Variants in VARS1 observed in about 807,000 individuals in gnomAD.
VARS1 encodes the protein valine--tRNA ligase.
Under a neutral mutation model 161.0 loss-of-function variants are expected in VARS1, and 92 were observed. The observed-to-expected ratio is 0.57, with a 90% CI of 0.48 to 0.68. VARS1 has a LOEUF of 0.68. Among genes scored for constraint, VARS1 ranks in the 30% least tolerant of loss-of-function variants. The pLI is 0.00. For synonymous variants in VARS1, 595 were observed against 682.5 expected (o/e 0.87, Z 2.00); for missense variants, 1,338 against 1,695.9 (o/e 0.79, Z 3.71).
chr6:31,787,692 G>A (rs1813591110), intron 8 of VARS1, among the ~76,000 whole-genome samples: 1 of 150,710 alleles, frequency 6.6e-6, no homozygotes, highest in Non-Finnish European at 1.5e-5. Flanking sequence ...AAACAAACTT[G>A]GAGGCCAGGT....
chr6:31,784,288 C>T lies in VARS1; in HGVS notation c.1597G>A (p.Val533Met), dbSNP rs1340444945. 2 of 1,614,218 alleles carry T rather than the reference C, an allele frequency of 1.2e-6. No individual in the cohort carries two copies. The highest frequency in any genetic ancestry group is 1.7e-6 in the Non-Finnish European group (2 of 1,180,046). ...ATTGTCTCGATCCGAGTTGTTGCCA[C>T]CACCACCTCCTCGTCGCTATCTGGG... ...QGSDSDEEVVVATTRIETMLG... is the reference protein window; with the variant it reads ...QGSDSDEEVVMATTRIETMLG... The change falls in exon 13 of 30, where the codon GTG (valine) becomes ATG (methionine). Residue 533 changes from valine to methionine, a missense_variant. Transcript: ENST00000375663. This position sits in a 1 kb window ranked among gnomAD's most constrained non-coding sequence, Gnocchi z 6.1.
chr6:31,792,858 A>G lies in VARS1; in HGVS notation c.560T>C (p.Val187Ala). 3.1e-6 allele frequency: 5 copies of G among 1,614,200 alleles called. No homozygotes were observed. The highest frequency in any genetic ancestry group is 4.2e-6 in the Non-Finnish European group (5 of 1,180,030). ...GACACACGTGACAAACCAGCGAGTC[A>G]CATTATTCCAGATCCGGCGGGCAGG... ...DPPARRIWNN[V>A]TRWFVTCVRQ... The change falls in exon 4 of 30, where the codon GTG (valine) becomes GCG (alanine). Residue 187 changes from valine to alanine, a missense_variant. Transcript: ENST00000375663.
In VARS1 at chr6:31,784,694, T is replaced by C; in HGVS notation, c.1368A>G (p.Thr456=). ...CCTCGTGAAGCCGGACAAAGGCCTC[T>C]GTCACAGCTGCTGAGAGTTTCTGGG... is the stretch of plus-strand genomic sequence containing the variant. ...TMDPKLSAAV[T]EAFVRLHEEG... The change falls in exon 11 of 30, where the codon ACA becomes ACG. Residue 456 remains threonine, a synonymous_variant. Coordinates refer to ENST00000375663, the MANE Select transcript of VARS1 (RefSeq NM_006295.3). The surrounding 1 kb of genome is among the most constrained non-coding windows in gnomAD (Gnocchi z 6.1). 1 of 1,613,016 alleles carries C rather than the reference T, an allele frequency of 6.2e-7. No individual in the cohort carries two copies. The highest frequency in any genetic ancestry group is 8.5e-7 in the Non-Finnish European group (1 of 1,180,030).
In VARS1 at chr6:31,778,963, A is replaced by G. The variant is rs575062372; in HGVS notation, c.3726+4T>C. The G allele has an allele frequency of 1.2e-6, 2 of 1,613,066 alleles. No individual in the cohort carries two copies. The highest frequency in any genetic ancestry group is 1.3e-5 in the African/African-American group (1 of 75,072). On this transcript the variant is annotated splice_donor_region_variant and intron_variant, in intron 29 of 29. Coordinates refer to ENST00000375663, the MANE Select transcript of VARS1 (RefSeq NM_006295.3). The surrounding 1 kb of genome is among the most constrained non-coding windows in gnomAD (Gnocchi z 5.1). ...TGTGGGAAATGCCCACCCAGGCCAC[A>G]CACCTTGGCTTCATCTGCCTCCTGG...
rs781064928 is a variant in VARS1, at chr6:31,782,139, C to T, written c.2189G>A (p.Arg730His). The T allele has an allele frequency of 2.7e-5, 43 of 1,613,826 alleles. No homozygotes were observed. The highest frequency in any genetic ancestry group is 6.7e-5 in the Admixed American group (4 of 60,000). ...CISRQLWWGH[R>H]IPAYFVTVSD... The stretch of plus-strand genomic sequence containing the variant: ...GACAGTGACAAAGTAGGCTGGGATG[C>T]GATGGCCCCACCACAGCTGCCTGGA... Residue 730 changes from arginine to histidine, a missense_variant, in exon 18 of 30, where the codon CGC becomes CAC. Physicochemically the swap from Arg to His is conservative, Grantham distance 29. Transcript: ENST00000375663. The surrounding 1 kb of genome is among the most constrained non-coding windows in gnomAD (Gnocchi z 8.3).
In VARS1 at chr6:31,781,835, G is replaced by A. The variant is rs1388984189; in HGVS notation, c.2347+12C>T. ...CCACAACTCCCTCCAGACCCTCAAAGCCCCGCCTTGCCTTGCTGGAGACTG... is the reference window on the plus strand; with the variant it reads ...CCACAACTCCCTCCAGACCCTCAAAACCCCGCCTTGCCTTGCTGGAGACTG... On this transcript the variant is annotated intron_variant, in intron 19 of 29. Transcript: ENST00000375663. The surrounding 1 kb of genome is among the most constrained non-coding windows in gnomAD (Gnocchi z 6.8). 1 of 1,612,908 alleles carries A rather than the reference G, an allele frequency of 6.2e-7. No individual in the cohort carries two copies. Among genetic ancestry groups the A allele is most frequent in the Non-Finnish European group, 8.5e-7 (1 of 1,180,028 alleles).
At chr6:31,788,834 T>A (rs1813690534) in intron 8 of VARS1, among the ~76,000 whole-genome samples, 1 of 151,582 alleles carries the variant, frequency 6.6e-6, no homozygotes, top group African/African-American at 2.4e-5. Context: ...ATAATAAAAA[T>A]AAAAAAATAA....
chr6:31,795,147 T>G lies in VARS1; in HGVS notation c.71A>C (p.Tyr24Ser). The change falls in exon 2 of 30, where the codon TAT becomes TCT. Residue 24 changes from tyrosine (Y) to serine (S), a missense_variant. Transcript: ENST00000375663. The surrounding 1 kb of genome is among the most constrained non-coding windows in gnomAD (Gnocchi z 6.9). ...PSLRALIAAR[Y>S]GEAGEGPGWG... ...TCCGGGACCCTCCCCAGCCTCCCCA[T>G]AGCGAGCGGCTATGAGGGCTCGGAG... The G allele has an allele frequency of 1.3e-6, 2 of 1,485,108 alleles. No homozygotes were observed. The highest frequency in any genetic ancestry group is 1.8e-6 in the Non-Finnish European group (2 of 1,117,684). 92.0% of individuals were successfully genotyped at this position (1,485,108 alleles called of 1,614,324 possible). A position where few individuals can be genotyped will look rare whatever the true frequency, so the allele number is the denominator to read the frequency against.
rs1035499152 is a variant in VARS1 at position 31,791,099 on chromosome 6, C to T, written c.1100+511G>A. 2.6e-5 allele frequency among the ~76,000 whole-genome samples: 4 copies of T among 151,854 alleles called. No individual in the cohort carries two copies. The highest frequency in any genetic ancestry group is 1.5e-5 in the Non-Finnish European group (1 of 67,992). Reference sequence around the variant, plus strand: ...CCAGGAGGCAGCGGTTGCCATGAGCCGAGATGGCGTCACTGCACTCCGGCC... The same window carrying T: ...CCAGGAGGCAGCGGTTGCCATGAGCTGAGATGGCGTCACTGCACTCCGGCC... On this transcript the variant is annotated intron_variant, in intron 8 of 29. Coordinates refer to ENST00000375663, the MANE Select transcript of VARS1 (RefSeq NM_006295.3). This position sits in a 1 kb window ranked among gnomAD's most constrained non-coding sequence, Gnocchi z 5.0.
rs1195165392 is a variant in VARS1, at chr6:31,778,349, G to A, written c.3726+618C>T. The stretch of plus-strand genomic sequence containing the variant: ...CTAGGTCAGCCTCCGTCTCCCACCT[G>A]TTGTGTGACCCTGGGTTGTGCCCAG... On this transcript the variant is annotated intron_variant, in intron 29 of 29. Transcript: ENST00000375663. This position sits in a 1 kb window ranked among gnomAD's most constrained non-coding sequence, Gnocchi z 5.1. Among the ~76,000 whole-genome samples, 1 of 152,146 alleles carries A rather than the reference G, an allele frequency of 6.6e-6. No individual in the cohort carries two copies. The highest frequency in any genetic ancestry group is 1.5e-5 in the Non-Finnish European group (1 of 68,028).
chr6:31,787,921 A>G (rs1581651479), intron 8 of VARS1, among the ~76,000 whole-genome samples: 3 of 152,156 alleles, frequency 2.0e-5, no homozygotes, highest in Admixed American at 2.0e-4. Context: ...GATCGAGACC[A>G]TCTTGGCTAA....
chr6:31,779,473 C>T lies in VARS1; in HGVS notation c.3352G>A (p.Val1118Met), dbSNP rs543142503. 1.6e-5 allele frequency: 26 copies of T among 1,612,706 alleles called. No individual in the cohort carries two copies. Among genetic ancestry groups the T allele is most frequent in the Admixed American group, 3.3e-5 (2 of 60,008 alleles). ...LELALSITRA[V>M]RSLRADYNLT... Reference sequence around the variant, plus strand: ...TTGTAGTCGGCCCGCAGGGAGCGCACGGCTCGCGTGATGCTTAGCGCCAGC... The same window carrying T: ...TTGTAGTCGGCCCGCAGGGAGCGCATGGCTCGCGTGATGCTTAGCGCCAGC... The change falls in exon 28 of 30, where the codon GTG becomes ATG. Residue 1118 changes from valine to methionine, a missense_variant. Val to Met is a conservative substitution (Grantham distance 21). Coordinates refer to ENST00000375663, the MANE Select transcript of VARS1 (RefSeq NM_006295.3). This position sits in a 1 kb window ranked among gnomAD's most constrained non-coding sequence, Gnocchi z 9.1.
chr6:31,778,011 AG>A lies in VARS1; in HGVS notation c.3727-350del, dbSNP rs1252511842. ...ATGATGATGATATTGCCCCCCTCCC[AG>A]GGCTCTTGGGAGAACCAAGTGAGAT... is the stretch of plus-strand genomic sequence containing the variant. On this transcript the variant is annotated intron_variant, in intron 29 of 29. Coordinates refer to ENST00000375663, the MANE Select transcript of VARS1 (RefSeq NM_006295.3). The surrounding 1 kb of genome is among the most constrained non-coding windows in gnomAD (Gnocchi z 5.1). The A allele has an allele frequency of 1.1e-5, 4 of 379,548 alleles. No homozygotes were observed. Among genetic ancestry groups the A allele is most frequent in the Non-Finnish European group, 1.9e-5 (4 of 205,228 alleles). 23.5% of individuals were successfully genotyped at this position (379,548 alleles called of 1,614,324 possible). A position where few individuals can be genotyped will look rare whatever the true frequency, so the allele number is the denominator to read the frequency against.
intron 8 of VARS1, among the ~76,000 whole-genome samples, chr6:31,788,682 G>A (rs1813678961): frequency 6.6e-6 from 1 of 151,344 alleles, no homozygotes; most frequent in South Asian, 2.1e-4. Context: ...GGTGGCGGGC[G>A]CCTGTAGTCC....
rs1403408418 is a variant in VARS1, at chr6:31,781,392, A to G, written c.2544+89T>C. ...GTCAGGCCTGCCCACAGCTAACCCC[A>G]TGCCCCAGCCACGCGGGGTCTGCGC... is the stretch of plus-strand genomic sequence containing the variant. On this transcript the variant is annotated intron_variant, in intron 21 of 29. Coordinates refer to ENST00000375663, the MANE Select transcript of VARS1 (RefSeq NM_006295.3). This position sits in a 1 kb window ranked among gnomAD's most constrained non-coding sequence, Gnocchi z 6.8. 1.3e-6 allele frequency: 2 copies of G among 1,534,394 alleles called. No homozygotes were observed. The highest frequency in any genetic ancestry group is 1.8e-6 in the Non-Finnish European group (2 of 1,142,086).
chr6:31,781,480 C>A lies in VARS1; in HGVS notation c.2544+1G>T, dbSNP rs756674615. ...TGGGAGGGTCTCGGCTGTCTCCGCACCTCTCTAAAGGGCAGCCTGCCCGTG... is the reference window on the plus strand; with the variant it reads ...TGGGAGGGTCTCGGCTGTCTCCGCAACTCTCTAAAGGGCAGCCTGCCCGTG... On this transcript the variant is annotated splice_donor_variant, in intron 21 of 29. Coordinates refer to ENST00000375663, the MANE Select transcript of VARS1 (RefSeq NM_006295.3). LOFTEE classifies it high-confidence loss of function. The surrounding 1 kb of genome is among the most constrained non-coding windows in gnomAD (Gnocchi z 6.8). The A allele has an allele frequency of 6.2e-7, 1 of 1,612,232 alleles. No individual in the cohort carries two copies.
At position 31,793,285 on chromosome 6, in the gene VARS1, C is replaced by T. The variant is rs142637550; in HGVS notation, c.388-165G>A. Among the ~76,000 whole-genome samples the T allele has an allele frequency of 2.4e-3, 360 of 152,194 alleles. 8 individuals are homozygous for T. The East Asian group carries it at 0.059, about 25-fold the overall frequency. ...AATAAAAATACTTCTGGGCGGATCA[C>T]GAGGTCAGGAGATCGAGACCATCCT... On this transcript the variant is annotated intron_variant, in intron 2 of 29. Transcript: ENST00000375663.
chr6:31,795,131 C>T lies in VARS1; in HGVS notation c.87G>A (p.Glu29=). 2 of 1,484,584 alleles carry T rather than the reference C, an allele frequency of 1.3e-6. No individual in the cohort carries two copies. Among genetic ancestry groups the T allele is most frequent in the Non-Finnish European group, 1.8e-6 (2 of 1,117,610 alleles). 92.0% of individuals were successfully genotyped at this position (1,484,584 alleles called of 1,614,324 possible). ...LIAARYGEAG[E]GPGWGGAHPR... is the part of the protein sequence containing the mutation. ...GGTGGGCTCCTCCCCATCCGGGACCCTCCCCAGCCTCCCCATAGCGAGCGG... is the reference window on the plus strand; with the variant it reads ...GGTGGGCTCCTCCCCATCCGGGACCTTCCCCAGCCTCCCCATAGCGAGCGG... The change falls in exon 2 of 30, where the codon GAG becomes GAA. Residue 29 remains glutamate (E), a synonymous_variant. Transcript: ENST00000375663. The surrounding 1 kb of genome is among the most constrained non-coding windows in gnomAD (Gnocchi z 6.9).
At position 31,782,723 on chromosome 6, in the gene VARS1, G is replaced by A. The variant is rs368222825; in HGVS notation, c.1885C>T (p.Leu629=). The part of the protein sequence containing the change: ...GALINVPPPF[L]GLPRFEARKA... Reference sequence around the variant, plus strand: ...ACTCTTGCCTCAGGCAGCCTCACCAGGAAAGGCGGAGGCACATTGATGAGG... The same window carrying A: ...ACTCTTGCCTCAGGCAGCCTCACCAAGAAAGGCGGAGGCACATTGATGAGG... The change falls in exon 15 of 30, where the codon CTG becomes TTG. Residue 629 remains leucine, a splice_region_variant and synonymous_variant. Transcript: ENST00000375663. This position sits in a 1 kb window ranked among gnomAD's most constrained non-coding sequence, Gnocchi z 8.3. 8 of 1,613,012 alleles carry A rather than the reference G, an allele frequency of 5.0e-6. No homozygotes were observed. The highest frequency in any genetic ancestry group is 6.8e-6 in the Non-Finnish European group (8 of 1,179,978).
Sources: allele counts gnomAD v4.1 joint callset (sites outside exome capture counted in the v4.1 genomes callset), GRCh38; gene constraint gnomAD v4.1.1; non-coding constraint Gnocchi (gnomAD v3.1); transcripts MANE v1.5; gene names NCBI Gene and HGNC (gene_info 2026-07-23, HGNC 2026-07-21).